Variants in HERC2 observed in about 807,000 individuals in gnomAD.
HERC2 encodes the protein E3 ubiquitin-protein ligase HERC2.
A neutral mutation model predicts 537.7 loss-of-function variants in HERC2; 102 were observed. The ratio of observed to expected loss-of-function variants is 0.19; its 90% confidence interval spans 0.16 to 0.22. HERC2 has a LOEUF of 0.22. Ranked by LOEUF, HERC2 falls within the 10% of genes least tolerant of loss-of-function variation. The probability of loss-of-function intolerance (pLI) is 1.00; values close to 1 mark genes in which losing one functional copy is unlikely to be tolerated. For missense variants in HERC2, 4,236 were observed against 6,198.2 expected (o/e 0.68, Z 10.63); for synonymous variants, 2,224 against 2,466.2 (o/e 0.90, Z 2.91).
chr15:28,308,062 G>A (rs2076840672), intron 2 of HERC2, among the ~76,000 whole-genome samples: 1 of 148,236 alleles, frequency 6.7e-6, no homozygotes, highest in Non-Finnish European at 1.5e-5. Context: ...TGAATTTTAG[G>A]ATTTTTTTTT....
intron 5 of HERC2, among the ~76,000 whole-genome samples, chr15:28,278,255 C>T (rs932989770): frequency 5.3e-5 from 8 of 152,040 alleles, no homozygotes; most frequent in East Asian, 1.9e-4. Flanking sequence ...TTGTGGCACA[C>T]GCCTGCAGTC....
At position 28,260,752 on chromosome 15, in the gene HERC2, C is replaced by T. The variant is rs1274015265; in HGVS notation, c.2316+25G>A. 2.5e-6 allele frequency: 4 copies of T among 1,590,742 alleles called. No homozygotes were observed. In the African/African-American group the frequency reaches 4.0e-5, roughly 16 times the overall value. ...CTGGAAACCAAAATCCTCCAAAATA[C>T]CAAATCAAGCTCTATATTCAGTACC... On this transcript the variant is annotated intron_variant, in intron 16 of 92. Coordinates refer to ENST00000261609, the MANE Select transcript of HERC2 (RefSeq NM_004667.6).
At chr15:28,288,788 C>T (rs1376971769) in intron 4 of HERC2, among the ~76,000 whole-genome samples, 3 of 147,318 alleles carry the variant, frequency 2.0e-5, no homozygotes, top group Non-Finnish European at 4.5e-5. Context: ...GGGGAGGTTG[C>T]AGTGAGCTGA....
chr15:28,280,203 G>A lies in HERC2; in HGVS notation c.407C>T (p.Ser136Leu). ...CAGCCTCTGCTTGAGTCGCAGGGCT[G>A]AGAGGGTGGTGGTGGCTGACTGGAC... is the stretch of plus-strand genomic sequence containing the variant. ...LAVQSATTTL[S>L]ALRLKQRLVI... The change falls in exon 5 of 93, where the codon TCA becomes TTA. Residue 136 changes from serine to leucine, a missense_variant. Transcript: ENST00000261609. The A allele has an allele frequency of 6.2e-7, 1 of 1,614,196 alleles. No homozygotes were observed. Among genetic ancestry groups the A allele is most frequent in the Non-Finnish European group, 8.5e-7 (1 of 1,180,032 alleles).
At chr15:28,321,270 C>G in intron 2 of HERC2, 92 bp downstream of exon 2, 1 of 625,848 alleles carries the variant, frequency 1.6e-6, no homozygotes. Flanking sequence ...ATACAACTGA[C>G]TTCCCCTTAC....
intron 2 of HERC2, among the ~76,000 whole-genome samples, chr15:28,311,989 T>G (rs1187091984): frequency 6.6e-6 from 1 of 152,180 alleles, no homozygotes; most frequent in African/African-American, 2.4e-5. Flanking sequence ...TGGGTAGCAC[T>G]GGGAAGGAAG....
intron 30 of HERC2, among the ~76,000 whole-genome samples, chr15:28,231,845 A>G (rs935383094): frequency 5.3e-5 from 8 of 152,156 alleles, no homozygotes; most frequent in African/African-American, 1.7e-4. Flanking sequence ...TTCCAAAAAA[A>G]AAAAAAGAAA....
chr15:28,292,662 C>A (rs542471215), intron 4 of HERC2, among the ~76,000 whole-genome samples: 1 of 152,046 alleles, frequency 6.6e-6, no homozygotes, highest in African/African-American at 2.4e-5. Flanking sequence ...ATTAGTCAAG[C>A]GTGATGGCTG....
intron 69 of HERC2, among the ~76,000 whole-genome samples, chr15:28,161,563 A>C (rs973573416): frequency 1.3e-5 from 2 of 152,214 alleles, no homozygotes; most frequent in Non-Finnish European, 2.9e-5. Flanking sequence ...CTCACTTTAT[A>C]CTGCAGACCT....
At chr15:28,129,995 G>A (rs964959761) in intron 83 of HERC2, among the ~76,000 whole-genome samples, 168 bp downstream of exon 83, 3 of 151,930 alleles carry the variant, frequency 2.0e-5, no homozygotes, top group African/African-American at 7.3e-5. Flanking sequence ...GGCTGGTCTC[G>A]ATCTCTTGAC....
At position 28,214,805 on chromosome 15, in the gene HERC2, G is replaced by C; in HGVS notation, c.6211-3C>G. The C allele has an allele frequency of 1.2e-6, 2 of 1,603,200 alleles. No individual in the cohort carries two copies. The highest frequency in any genetic ancestry group is 8.5e-7 in the Non-Finnish European group (1 of 1,175,332). ...TGCAACAAATGCACAGCTAAGATCT[G>C]ATAAAAGAAAATTTATAACGACAAG... is the stretch of plus-strand genomic sequence containing the variant. On this transcript the variant is annotated splice_region_variant and splice_polypyrimidine_tract_variant and intron_variant, in intron 39 of 92. Coordinates refer to ENST00000261609, the MANE Select transcript of HERC2 (RefSeq NM_004667.6).
chr15:28,173,178 A>T (rs1309454891), intron 65 of HERC2, among the ~76,000 whole-genome samples: 1 of 152,228 alleles, frequency 6.6e-6, no homozygotes, highest in Non-Finnish European at 1.5e-5. Context: ...TTAAGAAGCT[A>T]GACGTACACC....
At chr15:28,149,658 G>GA (rs1053988606) in intron 70 of HERC2, among the ~76,000 whole-genome samples, 3 of 144,696 alleles carry the variant, frequency 2.1e-5, no homozygotes, top group Non-Finnish European at 4.5e-5. Flanking sequence ...TAAAATTACC[G>GA]AAAAAATACA....
chr15:28,160,430 C>T (rs147103414), intron 69 of HERC2, among the ~76,000 whole-genome samples: 12 of 152,320 alleles, frequency 7.9e-5, no homozygotes, highest in East Asian at 1.9e-4. Flanking sequence ...GCCTCAGCAA[C>T]GGTGGACGCC....
At chr15:28,298,052 C>A (rs541220413) in intron 3 of HERC2, among the ~76,000 whole-genome samples, 21 of 148,632 alleles carry the variant, frequency 1.4e-4, no homozygotes, top group African/African-American at 4.8e-4. Flanking sequence ...TATTTTCAAA[C>A]AAATATAAAA....
chr15:28,224,131 T>TACACA (rs1900824074), intron 35 of HERC2, among the ~76,000 whole-genome samples: 1 of 27,204 alleles, frequency 3.7e-5, no homozygotes, highest in Non-Finnish European at 8.9e-5. Context: ...AATTAAAAAA[T>TACACA]TATACACACA....
intron 70 of HERC2, among the ~76,000 whole-genome samples, chr15:28,147,930 G>C (rs1169507643): frequency 6.6e-6 from 1 of 151,822 alleles, no homozygotes; most frequent in African/African-American, 2.4e-5. Context: ...CTAGCTTCTC[G>C]GGAGGCTGAT....
At chr15:28,255,447 A>G (rs1207002638) in intron 19 of HERC2, among the ~76,000 whole-genome samples, 1 of 152,262 alleles carries the variant, frequency 6.6e-6, no homozygotes, top group African/African-American at 2.4e-5. Context: ...AAGAAGTCAC[A>G]ATACACACAA....
intron 70 of HERC2, among the ~76,000 whole-genome samples, chr15:28,147,493 A>T (rs1891877619): frequency 1.3e-5 from 2 of 151,278 alleles, no homozygotes; most frequent in African/African-American, 4.8e-5. Context: ...ATAAAATTTT[A>T]AAAATTAGCT....
Sources: allele counts gnomAD v4.1 joint callset (sites outside exome capture counted in the v4.1 genomes callset), GRCh38; gene constraint gnomAD v4.1.1; transcripts MANE v1.5; gene names NCBI Gene and HGNC (gene_info 2026-07-23, HGNC 2026-07-21).